CD96: variants seen among roughly 807,000 people sequenced by gnomAD.
CD96 encodes T-cell surface protein tactile.
In CD96, 70 loss-of-function variants were observed where a neutral mutation model predicts 71.3. The ratio of observed to expected loss-of-function variants is 0.98; its 90% CI spans 0.81 to 1.20. CD96 has a LOEUF of 1.20. Among genes scored for constraint, CD96 ranks in the 50% most tolerant of loss-of-function variants. The pLI, the probability that CD96 is intolerant of heterozygous loss-of-function variation, is 0.00. For missense variants in CD96, 742 were observed against 677.5 expected (o/e 1.10, Z -1.06); for synonymous variants, 248 against 233.0 (o/e 1.06, Z -0.59).
chr3:111,652,676 T>G (rs2107801475), downstream of CD96, among the ~76,000 whole-genome samples: 1 of 152,296 alleles, frequency 6.6e-6, no homozygotes, highest in Non-Finnish European at 1.5e-5. Flanking sequence ...GAGCGGTTGC[T>G]TATCAATGGA....
intron 3 of CD96, 151 bp downstream of exon 3, chr3:111,567,798 G>T: frequency 1.4e-6 from 1 of 736,734 alleles, no homozygotes; most frequent in Non-Finnish European, 2.4e-6. Context: ...AGGAAGGAGA[G>T]GTCACTCAGA....
At chr3:111,630,663 C>G (rs1939014508) in intron 10 of CD96, among the ~76,000 whole-genome samples, 2 of 152,178 alleles carry the variant, frequency 1.3e-5, no homozygotes, top group African/African-American at 4.8e-5. Flanking sequence ...TTCCATGAGG[C>G]CAGCATCATC....
chr3:111,648,415 C>T (rs1939933173), intron 13 of CD96, among the ~76,000 whole-genome samples: 1 of 152,154 alleles, frequency 6.6e-6, no homozygotes, highest in Admixed American at 6.5e-5. Flanking sequence ...GACTCTGTAA[C>T]CACATACAGG....
At chr3:111,584,761 C>T (rs1246631361) in intron 4 of CD96, among the ~76,000 whole-genome samples, 5 of 152,210 alleles carry the variant, frequency 3.3e-5, no homozygotes, top group African/African-American at 4.8e-5. Context: ...TTCCACAACA[C>T]ATGGGAATTC....
chr3:111,571,117 T>A (rs991571643), intron 3 of CD96: 22 of 726,224 alleles, frequency 3.0e-5, no homozygotes, highest in African/African-American at 2.6e-4. Context: ...GAATCCAGGG[T>A]TACAGCACAT....
intron 5 of CD96, chr3:111,594,036 C>T (rs1937132034): frequency 6.2e-7 from 1 of 1,614,046 alleles, no homozygotes; most frequent in African/African-American, 1.3e-5. Flanking sequence ...TCCCATGCCT[C>T]AGAGAACCGG....
chr3:111,641,858 C>T (rs995581810), intron 12 of CD96, among the ~76,000 whole-genome samples: 5 of 152,126 alleles, frequency 3.3e-5, no homozygotes, highest in South Asian at 2.1e-4. Context: ...TTCAAAACCA[C>T]GCAAATACAC....
At chr3:111,624,669 G>A (rs1043155042) in intron 10 of CD96, among the ~76,000 whole-genome samples, 2 of 152,196 alleles carry the variant, frequency 1.3e-5, no homozygotes, top group African/African-American at 2.4e-5. Context: ...AGTGGGAATC[G>A]AGAGTGAAGG....
intron 4 of CD96, among the ~76,000 whole-genome samples, chr3:111,579,786 G>A (rs1328348484): frequency 6.6e-6 from 1 of 152,054 alleles, no homozygotes. Flanking sequence ...ATTCATAAGG[G>A]CAGAGACCTC....
intron 6 of CD96, among the ~76,000 whole-genome samples, chr3:111,600,124 T>C (rs1017775279): frequency 6.6e-6 from 1 of 152,222 alleles, no homozygotes; most frequent in Non-Finnish European, 1.5e-5. Context: ...GATTACAATA[T>C]GCAGCATATC....
chr3:111,545,566 G>A (rs1229246139), intron 2 of CD96, among the ~76,000 whole-genome samples, 164 bp downstream of exon 2: 2 of 152,190 alleles, frequency 1.3e-5, no homozygotes, highest in Non-Finnish European at 2.9e-5. Flanking sequence ...CAGCATTTAA[G>A]TAAATAAATG....
At chr3:111,648,929 G>A (rs1253005779) in intron 13 of CD96, among the ~76,000 whole-genome samples, 5 of 152,340 alleles carry the variant, frequency 3.3e-5, no homozygotes, top group East Asian at 1.9e-4. Flanking sequence ...CGGAAAAAGA[G>A]ATTACTTGTA....
In CD96 at chr3:111,606,843, C is replaced by T. The variant is rs374074034; in HGVS notation, c.1180+51C>T. The T allele has an allele frequency of 1.1e-4, 124 of 1,094,272 alleles. 1 individual carries two copies. The highest frequency in any genetic ancestry group is 1.2e-4 in the South Asian group (10 of 80,722). The allele number at this position is 1,094,272 out of a possible 1,614,324, so 67.8% of individuals were successfully genotyped here. A position where few individuals can be genotyped will look rare whatever the true frequency, so the allele number is the denominator to read the frequency against. ...TTGATTTAACCAAGCAGATTGATAACGATAAAATTTCAGCAAACTTGCATC... is the reference window on the plus strand; with the variant it reads ...TTGATTTAACCAAGCAGATTGATAATGATAAAATTTCAGCAAACTTGCATC... On this transcript the variant is annotated intron_variant, in intron 8 of 13. Coordinates refer to ENST00000352690, the MANE Select transcript of CD96 (RefSeq NM_005816.5).
Position 111,591,150 on chromosome 3 carries a change from G to A in CD96, c.807+5772G>A, listed in dbSNP as rs185225833. ...AACACTTTGGGAGGCCGAGGTGCGC[G>A]GATCATGAGGTCAAGAGATCCAGAC... On this transcript the variant is annotated intron_variant, in intron 5 of 13. Transcript: ENST00000352690. Among the ~76,000 whole-genome samples the A allele has an allele frequency of 1.3e-3, 195 of 152,114 alleles. 1 individual carries two copies. The highest frequency in any genetic ancestry group is 4.1e-3 in the African/African-American group (170 of 41,510).
At chr3:111,621,411 C>G (rs1017322304) in intron 8 of CD96, among the ~76,000 whole-genome samples, 4 of 152,188 alleles carry the variant, frequency 2.6e-5, no homozygotes, top group African/African-American at 9.7e-5. Context: ...AAGAGCCTAT[C>G]ATATCTCTCA....
downstream of CD96, among the ~76,000 whole-genome samples, chr3:111,654,928 T>C (rs1047393380): frequency 6.6e-6 from 1 of 152,252 alleles, no homozygotes; most frequent in African/African-American, 2.4e-5. Context: ...AGAAGTTTGA[T>C]AGTGGACCTC....
At position 111,586,178 on chromosome 3, in the gene CD96, T is replaced by C. The variant is rs558510911; in HGVS notation, c.807+800T>C. On this transcript the variant is annotated intron_variant, in intron 5 of 13. Transcript: ENST00000352690. ...TCTTGTTTTTGTTATTATTATTATC[T>C]GTGTTAATCAACTGTCTTGTGGCCT... is the stretch of plus-strand genomic sequence containing the variant. 1.1e-4 allele frequency among the ~76,000 whole-genome samples: 16 copies of C among 152,340 alleles called. No individual in the cohort carries two copies. The South Asian group carries it at 2.9e-3, about 28-fold the overall frequency.
intron 12 of CD96, among the ~76,000 whole-genome samples, chr3:111,639,070 G>A (rs1939471577): frequency 1.3e-5 from 2 of 152,184 alleles, no homozygotes; most frequent in South Asian, 4.1e-4. Flanking sequence ...TTGCAACTCT[G>A]CAGCATGCAG....
At position 111,596,479 on chromosome 3, in the gene CD96, C is replaced by A. The variant is rs77675009; in HGVS notation, c.808-1641C>A. ...TTTTTAGACGTTAACCAGAGTTCTT[C>A]AGTGAGCCAGTTGCCTTCGTAAAAT... On this transcript the variant is annotated intron_variant, in intron 5 of 13. Transcript: ENST00000352690. 6.6e-3 allele frequency among the ~76,000 whole-genome samples: 1,000 copies of A among 152,232 alleles called. 13 individuals carry two copies. The highest frequency in any genetic ancestry group is 0.021 in the African/African-American group (878 of 41,528).
Sources: allele counts gnomAD v4.1 joint callset (sites outside exome capture counted in the v4.1 genomes callset), GRCh38; gene constraint gnomAD v4.1.1; transcripts MANE v1.5; gene names NCBI Gene and HGNC (gene_info 2026-07-23, HGNC 2026-07-21).